RBM47: variants seen among roughly 807,000 people sequenced by gnomAD.
RBM47 encodes RNA-binding protein 47.
A neutral mutation model predicts 47.1 loss-of-function variants in RBM47; 21 were observed. The observed-to-expected ratio is 0.45, with a 90% CI of 0.32 to 0.64. The LOEUF is 0.64. Ranked by LOEUF, RBM47 falls within the 30% of genes least tolerant of loss-of-function variation. The probability of loss-of-function intolerance (pLI) is 0.05; values close to 1 mark genes in which losing one functional copy is unlikely to be tolerated. For missense variants in RBM47, 708 were observed against 870.9 expected (o/e 0.81, Z 2.35); for synonymous variants, 375 against 361.7 (o/e 1.04, Z -0.42).
chr4:40,511,934 C>CA (rs769931419), intron 2 of RBM47, among the ~76,000 whole-genome samples: 2,757 of 85,262 alleles, frequency 0.032, 55 homozygotes, highest in East Asian at 0.093. Flanking sequence ...GACTCTGTCT[C>CA]AAAAAAAAAA....
chr4:40,456,444 A>G (rs147818274), intron 3 of RBM47, among the ~76,000 whole-genome samples: 13 of 151,952 alleles, frequency 8.6e-5, no homozygotes, highest in Non-Finnish European at 1.6e-4. Flanking sequence ...TAAGAATATG[A>G]TTCAAGTTAC....
At chr4:40,592,424 T>C (rs1254702718) in intron 1 of RBM47, among the ~76,000 whole-genome samples, 2 of 123,976 alleles carry the variant, frequency 1.6e-5, no homozygotes. Context: ...TCTTTTTTTT[T>C]TCTTTTTTTT....
intron 1 of RBM47, among the ~76,000 whole-genome samples, chr4:40,612,795 A>C (rs1736374335): frequency 1.3e-5 from 2 of 152,324 alleles, no homozygotes; most frequent in African/African-American, 4.8e-5. Context: ...TTCCACTACA[A>C]AGAAGTCAAA....
chr4:40,625,403 T>C (rs1017676166), intron 1 of RBM47, among the ~76,000 whole-genome samples: 5 of 152,168 alleles, frequency 3.3e-5, no homozygotes, highest in African/African-American at 7.2e-5. Context: ...GAAAGGTAGA[T>C]ACTTTTTATT....
intron 5 of RBM47, 43 bp downstream of exon 5, chr4:40,436,398 G>T: frequency 1.3e-6 from 2 of 1,573,468 alleles, no homozygotes; most frequent in Non-Finnish European, 1.7e-6. Context: ...AAGGGCTGGG[G>T]TTTATGCTGA....
At chr4:40,501,409 A>G (rs528766835) in intron 2 of RBM47, among the ~76,000 whole-genome samples, 1 of 152,320 alleles carries the variant, frequency 6.6e-6, no homozygotes, top group South Asian at 2.1e-4. Flanking sequence ...TACACAGCCC[A>G]TACTTCACAT....
At chr4:40,543,917 A>G (rs1434932018) in intron 2 of RBM47, 1 of 152,094 alleles carries the variant, frequency 6.6e-6, no homozygotes, top group Non-Finnish European at 1.5e-5. Flanking sequence ...TAAAAAGAAA[A>G]AAAAAAAAAA....
At chr4:40,603,629 G>T (rs991293240) in intron 1 of RBM47, among the ~76,000 whole-genome samples, 2 of 149,406 alleles carry the variant, frequency 1.3e-5, no homozygotes, top group Non-Finnish European at 3.0e-5. Context: ...TTGAGATAGG[G>T]TCTCATCCTG....
Position 40,612,635 on chromosome 4 carries a change from T to C in RBM47, c.-240+16761A>G, listed in dbSNP as rs150613251. ...TTAATCTGATCCAACAGGGCATTTG[T>C]AGGACTTTTGTGACCTTAAATGAAC... On this transcript the variant is annotated intron_variant, in intron 1 of 6. Coordinates refer to ENST00000295971, the MANE Select transcript of RBM47 (RefSeq NM_001098634.2). Among the ~76,000 whole-genome samples, 181 of 152,362 alleles carry C rather than the reference T, an allele frequency of 1.2e-3. 5 individuals are homozygous for C. The East Asian group carries it at 0.023, about 19-fold the overall frequency.
At chr4:40,487,165 A>G (rs1305951443) in intron 2 of RBM47, among the ~76,000 whole-genome samples, 2 of 152,184 alleles carry the variant, frequency 1.3e-5, no homozygotes, top group Non-Finnish European at 2.9e-5. Context: ...TGGAGCCTTC[A>G]TGGGGATTGG....
At chr4:40,595,443 GA>G (rs1734665826) in intron 1 of RBM47, among the ~76,000 whole-genome samples, 1 of 152,040 alleles carries the variant, frequency 6.6e-6, no homozygotes, top group Non-Finnish European at 1.5e-5. Context: ...GCAGTGAGCC[GA>G]GATTGCACCA....
chr4:40,555,123 G>A (rs1379800127), intron 1 of RBM47, among the ~76,000 whole-genome samples: 1 of 152,194 alleles, frequency 6.6e-6, no homozygotes, highest in Non-Finnish European at 1.5e-5. Flanking sequence ...TTTTACTAGA[G>A]ATGGGGTTTC....
rs191133951 is a variant in RBM47, at chr4:40,519,438, C to T, written c.-155+24984G>A. 1.3e-4 allele frequency among the ~76,000 whole-genome samples: 19 copies of T among 151,464 alleles called. 1 individual carries two copies. Among genetic ancestry groups the T allele is most frequent in the Admixed American group, 9.9e-4 (15 of 15,112 alleles). ...TCAGCCTCCAGAGTAGCTGGGATTA[C>T]AGGTGTGCACCACCACACCCGGCTA... On this transcript the variant is annotated intron_variant, in intron 2 of 6. Transcript: ENST00000295971.
At chr4:40,560,965 GA>G (rs78803844) in intron 1 of RBM47, among the ~76,000 whole-genome samples, 467 of 133,852 alleles carry the variant, frequency 3.5e-3, no homozygotes, top group Middle Eastern at 7.5e-3. Context: ...CTCCTTCTCG[GA>G]AAAAAAAAAA....
intron 1 of RBM47, among the ~76,000 whole-genome samples, chr4:40,620,128 G>A (rs868557764): frequency 2.7e-5 from 4 of 150,746 alleles, no homozygotes; most frequent in Admixed American, 6.6e-5. Context: ...CCAGGGAGGC[G>A]GAGTTTGCAG....
intron 2 of RBM47, among the ~76,000 whole-genome samples, chr4:40,497,023 A>G (rs897079587): frequency 6.8e-6 from 1 of 146,168 alleles, no homozygotes; most frequent in African/African-American, 2.5e-5. Context: ...CCCAGGCAAC[A>G]AGAGCAAAAC....
chr4:40,489,648 T>C (rs1385538047), intron 2 of RBM47, among the ~76,000 whole-genome samples: 1 of 152,216 alleles, frequency 6.6e-6, no homozygotes, highest in Non-Finnish European at 1.5e-5. Context: ...CTGAATAGAC[T>C]TATAAGTAAA....
chr4:40,480,229 C>T (rs1191817542), intron 2 of RBM47, among the ~76,000 whole-genome samples: 11 of 152,174 alleles, frequency 7.2e-5, no homozygotes, highest in Non-Finnish European at 1.3e-4. Context: ...CCATCTGCCT[C>T]GGCCTCCCAA....
intron 2 of RBM47, among the ~76,000 whole-genome samples, chr4:40,477,501 G>T (rs1305108708): frequency 1.3e-5 from 2 of 152,146 alleles, no homozygotes; most frequent in African/African-American, 2.4e-5. Context: ...CTACAAATGG[G>T]ACTCAGAAAG....
Sources: allele counts gnomAD v4.1 joint callset (sites outside exome capture counted in the v4.1 genomes callset), GRCh38; gene constraint gnomAD v4.1.1; transcripts MANE v1.5; gene names NCBI Gene and HGNC (gene_info 2026-07-23, HGNC 2026-07-21).